The following ATP1A1 variants were observed in gnomAD, a reference collection of about 807,000 sequenced individuals.
The protein encoded by ATP1A1 is sodium/potassium-transporting ATPase subunit alpha-1.
A neutral mutation model predicts 114.8 loss-of-function variants in ATP1A1; 14 were observed. The ratio of observed to expected loss-of-function variants is 0.12; its 90% CI spans 0.08 to 0.19. The LOEUF is 0.19. ATP1A1 is among the 10% of genes least tolerant of loss of function. The pLI is 1.00. For synonymous variants in ATP1A1, 471 were observed against 466.3 expected (o/e 1.01, Z -0.13); for missense variants, 524 against 1,290.7 (o/e 0.41, Z 9.10).
Position 116,384,061 on chromosome 1 carries a change from TAAAAAGGGC to T in ATP1A1, c.75_83del (p.Gly26_Lys28del), listed in dbSNP as rs769658184. The T allele has an allele frequency of 2.3e-5, 37 of 1,613,806 alleles. No homozygotes were observed. The highest frequency in any genetic ancestry group is 2.0e-4 in the Admixed American group (12 of 59,990). ...CTGCAGCTGTTTCAGAACAAGGTGA[TAAAAAGGGC>T]AAAAAGGGCAAAAAAGACAGGGACA... On this transcript the variant is annotated inframe_deletion, in exon 2 of 23. Transcript: ENST00000295598. This position sits in a 1 kb window ranked among gnomAD's most constrained non-coding sequence, Gnocchi z 5.1.
In ATP1A1 at chr1:116,390,529, C is replaced by CTTTTTTTTTTTTTTTT. The variant is rs1261190970; in HGVS notation, c.1222+124_1222+125insTTTTTTTTTTTTTTTT. 8.8e-6 allele frequency: 8 copies of CTTTTTTTTTTTTTTTT among 906,370 alleles called. No homozygotes were observed. The African/African-American group carries it at 1.5e-4, about 17-fold the overall frequency. The allele number at this position is 906,370 out of a possible 1,614,324, so 56.1% of individuals were successfully genotyped here. On this transcript the variant is annotated intron_variant, in intron 9 of 22. Coordinates refer to ENST00000295598, the MANE Select transcript of ATP1A1 (RefSeq NM_000701.8). ...TTAAGCTCATGGCAGCTTTTTCTTT[C>CTTTTTTTTTTTTTTTT]TTTTTTGTTTTTTTTTTTTTTATCA...
chr1:116,389,783 A>G lies in ATP1A1; in HGVS notation c.1023+76A>G. On this transcript the variant is annotated intron_variant, in intron 8 of 22. Coordinates refer to ENST00000295598, the MANE Select transcript of ATP1A1 (RefSeq NM_000701.8). The surrounding 1 kb of genome is among the most constrained non-coding windows in gnomAD (Gnocchi z 6.9). ...TACACTCTTCCGCTATCCTATTCTA[A>G]GGTATTGCCAACTTATGTTTTATTC... 1 of 1,561,522 alleles carries G rather than the reference A, an allele frequency of 6.4e-7. No individual in the cohort carries two copies. The highest frequency in any genetic ancestry group is 1.2e-5 in the South Asian group (1 of 85,368).
chr1:116,404,088 G>C lies in ATP1A1; in HGVS notation c.3043+113G>C. On this transcript the variant is annotated intron_variant, in intron 22 of 22. Transcript: ENST00000295598. The surrounding 1 kb of genome is among the most constrained non-coding windows in gnomAD (Gnocchi z 4.8). ...GCTCCCTCAGTGGTCAGTCTGATTAGCTAAGGTGACTGGACCAGCAAACTG... is the reference window on the plus strand; with the variant it reads ...GCTCCCTCAGTGGTCAGTCTGATTACCTAAGGTGACTGGACCAGCAAACTG... 9.6e-7 allele frequency: 1 copy of C among 1,041,946 alleles called. No individual in the cohort carries two copies. Among genetic ancestry groups the C allele is most frequent in the Non-Finnish European group, 1.4e-6 (1 of 703,604 alleles). 64.5% of individuals were successfully genotyped at this position (1,041,946 alleles called of 1,614,324 possible). A position where few individuals can be genotyped will look rare whatever the true frequency, so the allele number is the denominator to read the frequency against.
In ATP1A1 at chr1:116,385,637, C is replaced by T. The variant is rs1375595256; in HGVS notation, c.183+795C>T. On this transcript the variant is annotated intron_variant, in intron 3 of 22. Coordinates refer to ENST00000295598, the MANE Select transcript of ATP1A1 (RefSeq NM_000701.8). The surrounding 1 kb of genome is among the most constrained non-coding windows in gnomAD (Gnocchi z 4.3). ...TGTTGGGTGTGTTAGACCTCAGTGG[C>T]AGGCTTCAAGAAACAGGATCTCTCT... 1.3e-5 allele frequency: 2 copies of T among 152,158 alleles called. No homozygotes were observed. Among genetic ancestry groups the T allele is most frequent in the African/African-American group, 4.8e-5 (2 of 41,436 alleles). The allele number at this position is 152,158 out of a possible 1,614,324, so 9.4% of individuals were successfully genotyped here.
In ATP1A1 at chr1:116,389,820, T is replaced by C; in HGVS notation, c.1023+113T>C. ...CTTATGTTTTATTCTGGATGTTTGATATAGTTCTTCTTGAGAGCCACATCA... is the reference window on the plus strand; with the variant it reads ...CTTATGTTTTATTCTGGATGTTTGACATAGTTCTTCTTGAGAGCCACATCA... On this transcript the variant is annotated intron_variant, in intron 8 of 22. Coordinates refer to ENST00000295598, the MANE Select transcript of ATP1A1 (RefSeq NM_000701.8). This position sits in a 1 kb window ranked among gnomAD's most constrained non-coding sequence, Gnocchi z 6.9. 7.0e-7 allele frequency: 1 copy of C among 1,434,758 alleles called. No individual in the cohort carries two copies. The highest frequency in any genetic ancestry group is 1.4e-5 in the South Asian group (1 of 72,552). The allele number at this position is 1,434,758 out of a possible 1,614,324, so 88.9% of individuals were successfully genotyped here.
At chr1:116,374,107 T>TG in intron 1 of ATP1A1, 1 of 1,490,676 alleles carries the variant, frequency 6.7e-7, no homozygotes, top group Non-Finnish European at 9.0e-7. Context: ...CTGGGGACGC[T>TG]GGGGCTTAGC....
Position 116,393,519 on chromosome 1 carries a change from A to C in ATP1A1, c.1468-12A>C, listed in dbSNP as rs534034408. On this transcript the variant is annotated splice_polypyrimidine_tract_variant and intron_variant, in intron 11 of 22. Transcript: ENST00000295598. The surrounding 1 kb of genome is among the most constrained non-coding windows in gnomAD (Gnocchi z 5.0). Reference sequence around the variant, plus strand: ...AACCATCCAATGTTTATGTCTCAACAATCCTTCACAGTTGTCTATTCATAA... The same window carrying C: ...AACCATCCAATGTTTATGTCTCAACCATCCTTCACAGTTGTCTATTCATAA... The C allele has an allele frequency of 6.2e-7, 1 of 1,606,024 alleles. No homozygotes were observed. The highest frequency in any genetic ancestry group is 1.3e-5 in the African/African-American group (1 of 74,732).
Position 116,395,995 on chromosome 1 carries a change from T to G in ATP1A1, c.1837-603T>G, listed in dbSNP as rs1652883133. Among the ~76,000 whole-genome samples the G allele has an allele frequency of 6.6e-6, 1 of 152,116 alleles. No individual in the cohort carries two copies. The highest frequency in any genetic ancestry group is 1.5e-5 in the Non-Finnish European group (1 of 68,032). On this transcript the variant is annotated intron_variant, in intron 13 of 22. Coordinates refer to ENST00000295598, the MANE Select transcript of ATP1A1 (RefSeq NM_000701.8). The surrounding 1 kb of genome is among the most constrained non-coding windows in gnomAD (Gnocchi z 6.4). ...CTCAAACTCCTGACCTCAGGTGATC[T>G]GCCCACCTCAGCCTCCCAAAGTGCT... is the stretch of plus-strand genomic sequence containing the variant.
intron 1 of ATP1A1, among the ~76,000 whole-genome samples, chr1:116,378,603 T>A (rs1339473623): frequency 6.6e-6 from 1 of 152,174 alleles, no homozygotes; most frequent in Non-Finnish European, 1.5e-5. Context: ...TATCCTCTTG[T>A]GTGTTTCTTT....
chr1:116,383,272 T>C, intron 1 of ATP1A1: 1 of 820,852 alleles, frequency 1.2e-6, no homozygotes, highest in Non-Finnish European at 1.5e-6. Context: ...TTTTTATCTC[T>C]TATGCAAAGA....
Position 116,393,568 on chromosome 1 carries a change from A to G in ATP1A1, c.1505A>G (p.Gln502Arg), listed in dbSNP as rs768214820. 6.2e-7 allele frequency: 1 copy of G among 1,613,986 alleles called. No homozygotes were observed. The highest frequency in any genetic ancestry group is 8.5e-7 in the Non-Finnish European group (1 of 1,180,000). Reference sequence around the variant, plus strand: ...AAGAACCCCAACACATCGGAGCCCCAACACCTGTTGGTGATGAAGGGCGCC... The same window carrying G: ...AAGAACCCCAACACATCGGAGCCCCGACACCTGTTGGTGATGAAGGGCGCC... Reference protein sequence around the residue: ...IHKNPNTSEPQHLLVMKGAPE... With the variant: ...IHKNPNTSEPRHLLVMKGAPE... The change falls in exon 12 of 23, where the codon CAA (glutamine) becomes CGA (arginine). Residue 502 changes from glutamine (Q) to arginine (R), a missense_variant. Physicochemically the swap from Gln to Arg is conservative, Grantham distance 43. Transcript: ENST00000295598. This position sits in a 1 kb window ranked among gnomAD's most constrained non-coding sequence, Gnocchi z 5.0.
chr1:116,394,021 G>C (rs1652697115), intron 12 of ATP1A1, among the ~76,000 whole-genome samples: 1 of 152,010 alleles, frequency 6.6e-6, no homozygotes, highest in Non-Finnish European at 1.5e-5. Context: ...AAAAAAAAAT[G>C]GTGGAAGAAT....
At chr1:116,400,312 T>C (rs1472561693) in intron 18 of ATP1A1, among the ~76,000 whole-genome samples, 1 of 152,152 alleles carries the variant, frequency 6.6e-6, no homozygotes, top group Non-Finnish European at 1.5e-5. Context: ...GGAGGCCTGC[T>C]TTTGAGAGGA....
At chr1:116,403,558 A>C (rs1278860507) in intron 21 of ATP1A1, among the ~76,000 whole-genome samples, 1 of 152,240 alleles carries the variant, frequency 6.6e-6, no homozygotes, top group Non-Finnish European at 1.5e-5. Context: ...GAAAATGTTC[A>C]GTTGCTCTGG....
chr1:116,373,245 G>A lies in ATP1A1; in HGVS notation c.-267G>A, dbSNP rs950716679. ...GGAAGTGAGGAGGAGGCGCGGGCTG[G>A]AGCTGCGGCGGGGTCTGGGGCGCAG... is the stretch of plus-strand genomic sequence containing the variant. On this transcript the variant is annotated 5_prime_UTR_variant, in exon 1 of 23. Transcript: ENST00000295598. 7 of 360,580 alleles carry A rather than the reference G, an allele frequency of 1.9e-5. No individual in the cohort carries two copies. The highest frequency in any genetic ancestry group is 4.8e-5 in the Admixed American group (1 of 20,918). The allele number at this position is 360,580 out of a possible 1,614,324, so 22.3% of individuals were successfully genotyped here.
intron 14 of ATP1A1, among the ~76,000 whole-genome samples, 194 bp downstream of exon 14, chr1:116,396,928 A>G (rs1652978288): frequency 1.3e-5 from 2 of 152,240 alleles, no homozygotes; most frequent in East Asian, 1.9e-4. Context: ...ATTAGCACTT[A>G]GATGGTATTT....
intron 3 of ATP1A1, chr1:116,386,225 G>A (rs574827783): frequency 6.7e-6 from 1 of 150,254 alleles, no homozygotes; most frequent in Non-Finnish European, 1.5e-5. Context: ...AGGAGGCCTC[G>A]AGTCAGCTCA....
rs1474043668 is a variant in ATP1A1, at chr1:116,385,679, C to G, written c.183+837C>G. 6.6e-6 allele frequency: 1 copy of G among 152,012 alleles called. No homozygotes were observed. The highest frequency in any genetic ancestry group is 2.4e-5 in the African/African-American group (1 of 41,410). The allele number at this position is 152,012 out of a possible 1,614,324, so 9.4% of individuals were successfully genotyped here. ...GATCTCTCTCCTGCCCTCCTTTTCA[C>G]CTGTCGCAAGGCAGGACTCTAATCT... On this transcript the variant is annotated intron_variant, in intron 3 of 22. Transcript: ENST00000295598. The surrounding 1 kb of genome is among the most constrained non-coding windows in gnomAD (Gnocchi z 4.3).
At position 116,388,506 on chromosome 1, in the gene ATP1A1, A is replaced by G; in HGVS notation, c.502-132A>G. 1 of 1,307,198 alleles carries G rather than the reference A, an allele frequency of 7.6e-7. No homozygotes were observed. The highest frequency in any genetic ancestry group is 1.0e-6 in the Non-Finnish European group (1 of 960,082). The allele number at this position is 1,307,198 out of a possible 1,614,324, so 81.0% of individuals were successfully genotyped here. ...GCGAGCAAGCTTTTGTAACTTGTGT[A>G]AATAAAAAAGTGAATAATATCTTTG... On this transcript the variant is annotated intron_variant, in intron 5 of 22. Transcript: ENST00000295598. This position sits in a 1 kb window ranked among gnomAD's most constrained non-coding sequence, Gnocchi z 5.6.
Sources: allele counts gnomAD v4.1 joint callset (sites outside exome capture counted in the v4.1 genomes callset), GRCh38; gene constraint gnomAD v4.1.1; non-coding constraint Gnocchi (gnomAD v3.1); transcripts MANE v1.5; gene names NCBI Gene and HGNC (gene_info 2026-07-23, HGNC 2026-07-21).